Variants in NUDT6 observed in about 807,000 individuals in gnomAD.
NUDT6 encodes the protein FAD diphosphatase NUDT6.
A neutral mutation model predicts 36.8 loss-of-function variants in NUDT6; 24 were observed. The ratio of observed to expected loss-of-function variants is 0.65; its 90% CI spans 0.47 to 0.92. NUDT6 has a LOEUF of 0.92. NUDT6 is among the 40% of genes least tolerant of loss of function. The probability of loss-of-function intolerance (pLI) is 0.00; values close to 1 mark genes in which losing one functional copy is unlikely to be tolerated. For synonymous variants in NUDT6, 163 were observed against 157.0 expected (o/e 1.04, Z -0.29); for missense variants, 388 against 392.8 (o/e 0.99, Z 0.10).
chr4:122,904,124 CCT>C (rs560989439), intron 3 of NUDT6, among the ~76,000 whole-genome samples: 123 of 152,216 alleles, frequency 8.1e-4, no homozygotes, highest in African/African-American at 2.6e-3. Context: ...CCATTAATCC[CCT>C]GAGTAGGAGT....
intron 4 of NUDT6, chr4:122,897,153 A>G (rs1336856904): frequency 6.5e-6 from 1 of 152,754 alleles, no homozygotes. Context: ...TACAATTTTC[A>G]TAAAGTGAAG....
chr4:122,921,753 C>T (rs533569732), intron 1 of NUDT6: 4 of 152,144 alleles, frequency 2.6e-5, no homozygotes, highest in Non-Finnish European at 5.9e-5. Flanking sequence ...ACCCCATAAA[C>T]ATACACACCT....
In NUDT6 at chr4:122,922,550, C is replaced by T. The variant is rs551325026; in HGVS notation, c.23G>A (p.Gly8Asp). The T allele has an allele frequency of 1.7e-5, 27 of 1,601,374 alleles. No individual in the cohort carries two copies. In the East Asian group the frequency reaches 5.8e-4, roughly 34 times the overall value. Residue 8 changes from glycine (G) to aspartate (D), a missense_variant, in exon 1 of 5, where the codon GGC becomes GAC. Transcript: ENST00000304430. MRQPLSW[G>D]RWRAMLARTY... Reference sequence around the variant, plus strand: ...TCGGGCAAGCATCGCGCGCCAGCGGCCCCAGCTCAGTGGCTGCCGCATCTC... The same window carrying T: ...TCGGGCAAGCATCGCGCGCCAGCGGTCCCAGCTCAGTGGCTGCCGCATCTC...
In NUDT6 at chr4:122,912,626, AT is replaced by A; in HGVS notation, c.443-4del. 1 of 1,539,020 alleles carries A rather than the reference AT, an allele frequency of 6.5e-7. No individual in the cohort carries two copies. The highest frequency in any genetic ancestry group is 9.0e-7 in the Non-Finnish European group (1 of 1,112,860). ...AGTACTTTCATCAAATACAGCTCCT[AT>A]TAGGGGAAAAAGAAAAGATAATTGA... On this transcript the variant is annotated splice_region_variant and splice_polypyrimidine_tract_variant and intron_variant, in intron 2 of 4. Transcript: ENST00000304430.
intron 2 of NUDT6, among the ~76,000 whole-genome samples, chr4:122,913,766 T>C (rs1727776761): frequency 6.6e-6 from 1 of 151,912 alleles, no homozygotes; most frequent in Non-Finnish European, 1.5e-5. Context: ...ACATTGCATA[T>C]TCTCTCTTTC....
chr4:122,897,983 T>A, intron 3 of NUDT6: 1 of 265,478 alleles, frequency 3.8e-6, no homozygotes, highest in Non-Finnish European at 7.1e-6. Context: ...ATTTCTGTAA[T>A]TTAAAATATT....
Position 122,897,628 on chromosome 4 carries a change from A to G in NUDT6, c.549T>C (p.Asp183=). 1.2e-6 allele frequency: 2 copies of G among 1,600,796 alleles called. No individual in the cohort carries two copies. Among genetic ancestry groups the G allele is most frequent in the Non-Finnish European group, 1.7e-6 (2 of 1,167,960 alleles). Residue 183 remains aspartate (D), a synonymous_variant, in exon 4 of 5, where the codon GAT becomes GAC. Transcript: ENST00000304430. ...AAAAATATAAAAGATACACACCAATATCTTCTTCAGGCTCTGACAGGCCTC... is the reference window on the plus strand; with the variant it reads ...AAAAATATAAAAGATACACACCAATGTCTTCTTCAGGCTCTGACAGGCCTC... ...FPGGLSEPEE[D]IGDTAVREVF...
rs115186960 is a variant in NUDT6, at chr4:122,900,453, G to A, written c.499-2775C>T. 3.5e-3 allele frequency among the ~76,000 whole-genome samples: 528 copies of A among 149,208 alleles called. 3 individuals carry two copies. The highest frequency in any genetic ancestry group is 0.012 in the African/African-American group (474 of 38,988). ...CCCACCACCCTGACCAATCTCCTAT[G>A]CTATGCTAAATATTTGTATAAGAAT... On this transcript the variant is annotated intron_variant, in intron 3 of 4. Coordinates refer to ENST00000304430, the MANE Select transcript of NUDT6 (RefSeq NM_007083.5).
chr4:122,913,230 A>C (rs1318597859), intron 2 of NUDT6: 2 of 152,864 alleles, frequency 1.3e-5, no homozygotes, highest in African/African-American at 4.8e-5. Context: ...AGGAAGTCCA[A>C]GATCAAGGTG....
Position 122,901,332 on chromosome 4 carries a change from TTTAAC to T in NUDT6, c.499-3659_499-3655del, listed in dbSNP as rs71951548. Among the ~76,000 whole-genome samples the T allele has an allele frequency of 9.9e-3, 1,513 of 152,330 alleles. 34 individuals are homozygous for T. Among genetic ancestry groups the T allele is most frequent in the African/African-American group, 0.035 (1,449 of 41,580 alleles). ...CATACTACAAAAGGTATAGTATCCT[TTTAAC>T]TTATAAAAATATGTGATTTTAAACC... On this transcript the variant is annotated intron_variant, in intron 3 of 4. Coordinates refer to ENST00000304430, the MANE Select transcript of NUDT6 (RefSeq NM_007083.5).
chr4:122,914,263 G>A (rs983536514), intron 2 of NUDT6, among the ~76,000 whole-genome samples: 25 of 152,282 alleles, frequency 1.6e-4, no homozygotes, highest in African/African-American at 5.5e-4. Flanking sequence ...TTTTAAAGCA[G>A]GAAGGAAAAT....
Position 122,903,571 on chromosome 4 carries a change from C to T in NUDT6, c.499-5893G>A, listed in dbSNP as rs949496569. 2.0e-5 allele frequency among the ~76,000 whole-genome samples: 3 copies of T among 152,182 alleles called. No homozygotes were observed. In the South Asian group the frequency reaches 6.2e-4, roughly 31 times the overall value. Reference sequence around the variant, plus strand: ...ATAAGTTGATGCTGTTATTGTCTCTCAGCTCCGAATCTGCCCTTCTGTACT... The same window carrying T: ...ATAAGTTGATGCTGTTATTGTCTCTTAGCTCCGAATCTGCCCTTCTGTACT... On this transcript the variant is annotated intron_variant, in intron 3 of 4. Transcript: ENST00000304430.
chr4:122,896,975 G>C (rs373076210), intron 4 of NUDT6: 1 of 151,944 alleles, frequency 6.6e-6, no homozygotes, highest in Admixed American at 6.6e-5. Context: ...TCTATTTTTC[G>C]ATTTCCTGTA....
chr4:122,897,814 T>C, intron 3 of NUDT6, 136 bp from the exon 4 acceptor site: 2 of 645,792 alleles, frequency 3.1e-6, no homozygotes, highest in Non-Finnish European at 5.6e-6. Flanking sequence ...AAAATTTTTC[T>C]AGCTTCCATC....
chr4:122,916,607 A>G (rs1368988596), intron 2 of NUDT6, among the ~76,000 whole-genome samples: 3 of 152,218 alleles, frequency 2.0e-5, no homozygotes, highest in South Asian at 2.1e-4. Flanking sequence ...ATTCAAGCAT[A>G]TCCTTTGGAA....
chr4:122,907,060 G>T (rs186994754), intron 3 of NUDT6, among the ~76,000 whole-genome samples: 1 of 152,190 alleles, frequency 6.6e-6, no homozygotes, highest in Non-Finnish European at 1.5e-5. Context: ...ATATACTCAA[G>T]AAATAACTCT....
chr4:122,918,375 A>G (rs1727896128), intron 1 of NUDT6: 1 of 152,240 alleles, frequency 6.6e-6, no homozygotes, highest in Admixed American at 6.5e-5. Context: ...AAAAGATGCT[A>G]ATATCTATTT....
intron 3 of NUDT6, among the ~76,000 whole-genome samples, chr4:122,910,185 T>G (rs747471259): frequency 1.3e-5 from 2 of 152,222 alleles, no homozygotes; most frequent in Non-Finnish European, 2.9e-5. Flanking sequence ...AACTCAATTC[T>G]TTCCTTTTCA....
chr4:122,904,529 G>C (rs1727581352), intron 3 of NUDT6, among the ~76,000 whole-genome samples: 1 of 151,898 alleles, frequency 6.6e-6, no homozygotes, highest in African/African-American at 2.4e-5. Flanking sequence ...CATGATCTTG[G>C]CTCACTGCAA....
Sources: gnomAD v4.1 joint callset for allele counts (sites outside exome capture counted in the v4.1 genomes callset) on GRCh38, gnomAD v4.1.1 for gene constraint, MANE v1.5 for transcripts, NCBI Gene and HGNC (gene_info 2026-07-23, HGNC 2026-07-21) for gene names.